DOCK10: variants seen among roughly 807,000 people sequenced by gnomAD.
The protein encoded by DOCK10 is dedicator of cytokinesis 10, also known as dedicator of cytokinesis protein 10.
DOCK10 carries 145 observed loss-of-function variants against 280.1 expected under a neutral mutation model. The ratio of observed to expected loss-of-function variants is 0.52; its 90% CI spans 0.45 to 0.59. DOCK10 has a LOEUF of 0.59. DOCK10 is among the 20% of genes least tolerant of loss of function. The pLI is 0.00. For synonymous variants in DOCK10, 915 were observed against 942.2 expected, an observed-to-expected ratio of 0.97 and a Z score of 0.53; for missense variants, 2,368 against 2,651.7, an observed-to-expected ratio of 0.89 and a Z score of 2.35.
intron 1 of DOCK10, among the ~76,000 whole-genome samples, chr2:225,040,509 A>AGT (rs1690389265): frequency 1.0e-5 from 1 of 99,558 alleles, no homozygotes; most frequent in African/African-American, 4.1e-5. Flanking sequence ...TGGAGAAAGC[A>AGT]GTGCGTGTGT....
intron 1 of DOCK10, among the ~76,000 whole-genome samples, chr2:224,979,912 T>C (rs1185616490): frequency 6.6e-6 from 1 of 151,206 alleles, no homozygotes; most frequent in Admixed American, 6.6e-5. Context: ...TGATAAGTGA[T>C]GAAGTCAGGA....
chr2:224,982,479 T>C, intron 1 of DOCK10: 20 of 1,227,718 alleles, frequency 1.6e-5, no homozygotes, highest in Non-Finnish European at 2.0e-5. Context: ...CGGCTCACTC[T>C]CCAATCACTT....
intron 50 of DOCK10, among the ~76,000 whole-genome samples, chr2:224,783,040 C>T (rs1011645567): frequency 2.0e-5 from 3 of 152,154 alleles, no homozygotes; most frequent in African/African-American, 7.2e-5. Flanking sequence ...TATGTGCTGT[C>T]TGCTCCTGTT....
intron 47 of DOCK10, 99 bp downstream of exon 47, chr2:224,792,875 G>T: frequency 2.3e-6 from 2 of 887,894 alleles, no homozygotes; most frequent in Non-Finnish European, 3.5e-6. Flanking sequence ...GACAGTTTTT[G>T]CTTCTAAGAA....
intron 50 of DOCK10, among the ~76,000 whole-genome samples, chr2:224,780,921 G>A (rs114057841): frequency 0.013 from 1,992 of 151,560 alleles, 25 homozygotes; most frequent in East Asian, 0.021. Flanking sequence ...AATGTATTGC[G>A]GCCTTGCTCA....
intron 1 of DOCK10, among the ~76,000 whole-genome samples, chr2:225,005,611 A>G (rs1251668982): frequency 1.3e-5 from 2 of 152,354 alleles, no homozygotes; most frequent in South Asian, 2.1e-4. Flanking sequence ...AAAAAACAGA[A>G]TAACTGAAAG....
At position 224,983,888 on chromosome 2, in the gene DOCK10, C is replaced by T. The variant is rs1006859481; in HGVS notation, c.124-52220G>A. Reference sequence around the variant, plus strand: ...CCCTCTGGACATTTGTCAGACTGCCCGGGTGCTAATCTAAACCATTTTTAC... The same window carrying T: ...CCCTCTGGACATTTGTCAGACTGCCTGGGTGCTAATCTAAACCATTTTTAC... On this transcript the variant is annotated intron_variant, in intron 1 of 55. Coordinates refer to ENST00000258390, the MANE Select transcript of DOCK10 (RefSeq NM_014689.3). 11 of 470,814 alleles carry T rather than the reference C, an allele frequency of 2.3e-5. No individual in the cohort carries two copies. In the Admixed American group the frequency reaches 2.4e-4, roughly 10 times the overall value. The allele number at this position is 470,814 out of a possible 1,614,324, so 29.2% of individuals were successfully genotyped here.
At chr2:225,040,105 C>A (rs452774) in intron 1 of DOCK10, among the ~76,000 whole-genome samples, 120,047 of 152,108 alleles carry the variant, frequency 0.79, 47,540 homozygotes, top group Middle Eastern at 0.88. Context: ...CATCAATGTA[C>A]GCTAAGATTA....
chr2:224,855,113 CAAT>C, intron 15 of DOCK10, 71 bp from the exon 16 acceptor site: 1 of 877,680 alleles, frequency 1.1e-6, no homozygotes, highest in South Asian at 2.3e-5. Flanking sequence ...AGTATTATTC[CAAT>C]TTTCAAGGAA....
At position 224,885,686 on chromosome 2, in the gene DOCK10, A is replaced by T; in HGVS notation, c.732T>A (p.Cys244Ter). The stretch of plus-strand genomic sequence containing the variant: ...GTCTACTCACCTGCACCACTCCTGT[A>T]CAGGAATCCAAAAAGATGCATCCTT... ...EPKGCIFLDS[C>*]TGVVQNNRLR... The change falls in exon 7 of 56, where the codon TGT becomes TGA. Residue 244 changes from cysteine to a stop codon, truncating the protein, a stop_gained. Coordinates refer to ENST00000258390, the MANE Select transcript of DOCK10 (RefSeq NM_014689.3). LOFTEE classifies it high-confidence loss of function. The T allele has an allele frequency of 6.2e-7, 1 of 1,610,310 alleles. No individual in the cohort carries two copies.
chr2:225,021,869 C>T (rs1005837611), intron 1 of DOCK10, among the ~76,000 whole-genome samples: 13 of 152,168 alleles, frequency 8.5e-5, no homozygotes, highest in African/African-American at 3.1e-4. Flanking sequence ...TGGGGAGGCA[C>T]TTGGCAGTTT....
intron 1 of DOCK10, among the ~76,000 whole-genome samples, chr2:224,936,079 C>T (rs1280358266): frequency 1.3e-5 from 2 of 152,112 alleles, no homozygotes; most frequent in Non-Finnish European, 2.9e-5. Context: ...TTTCAGAGAA[C>T]TGTGTATGGT....
chr2:224,976,480 G>T (rs115112371), intron 1 of DOCK10, among the ~76,000 whole-genome samples: 4,518 of 152,164 alleles, frequency 0.03, 105 homozygotes, highest in Non-Finnish European at 0.046. Context: ...CCAACTAGGA[G>T]AAATGAGTCA....
intron 1 of DOCK10, among the ~76,000 whole-genome samples, chr2:225,035,056 A>C (rs1054159058): frequency 6.6e-6 from 1 of 152,180 alleles, no homozygotes; most frequent in Non-Finnish European, 1.5e-5. Context: ...CTAATCCCCT[A>C]ATTTCACAGT....
Position 225,042,297 on chromosome 2 carries a change from G to A in DOCK10, c.78C>T (p.Ala26=). The A allele has an allele frequency of 7.4e-7, 1 of 1,348,168 alleles. No homozygotes were observed. Among genetic ancestry groups the A allele is most frequent in the Non-Finnish European group, 9.6e-7 (1 of 1,046,976 alleles). The allele number at this position is 1,348,168 out of a possible 1,614,324, so 83.5% of individuals were successfully genotyped here. The change falls in exon 1 of 56, where the codon GCC becomes GCT. Residue 26 remains alanine (A), a synonymous_variant. Coordinates refer to ENST00000258390, the MANE Select transcript of DOCK10 (RefSeq NM_014689.3). This position sits in a 1 kb window ranked among gnomAD's most constrained non-coding sequence, Gnocchi z 5.1. ...PGQAAELRHS[A]ASAAAVAVSS... Reference sequence around the variant, plus strand: ...TGACTGCCACCGCGGCGGCGGACGCGGCGCTGTGCCGGAGCTCGGCCGCCT... The same window carrying A: ...TGACTGCCACCGCGGCGGCGGACGCAGCGCTGTGCCGGAGCTCGGCCGCCT...
intron 26 of DOCK10, among the ~76,000 whole-genome samples, chr2:224,832,199 G>A (rs996914889): frequency 4.6e-5 from 7 of 152,080 alleles, no homozygotes; most frequent in Non-Finnish European, 1.0e-4. Context: ...ATTTTGCTAC[G>A]AATACTTATA....
At chr2:224,952,898 A>G (rs372947325) in intron 1 of DOCK10, among the ~76,000 whole-genome samples, 37 of 152,308 alleles carry the variant, frequency 2.4e-4, no homozygotes, top group African/African-American at 7.7e-4. Flanking sequence ...GGCCTATGTT[A>G]TGTTTTAACA....
intron 17 of DOCK10, 60 bp downstream of exon 17, chr2:224,852,875 T>C: frequency 7.1e-7 from 1 of 1,400,300 alleles, no homozygotes; most frequent in South Asian, 1.5e-5. Flanking sequence ...TCAGGAACTA[T>C]CTTATATGGT....
At chr2:224,896,206 A>T in intron 4 of DOCK10, 89 bp downstream of exon 4, 1 of 715,248 alleles carries the variant, frequency 1.4e-6, no homozygotes, top group Non-Finnish European at 2.3e-6. Flanking sequence ...AGATTAATGT[A>T]CGTGTATTCA....
Sources: allele counts gnomAD v4.1 joint callset (sites outside exome capture counted in the v4.1 genomes callset), GRCh38; gene constraint gnomAD v4.1.1; non-coding constraint Gnocchi (gnomAD v3.1); transcripts MANE v1.5; gene names NCBI Gene and HGNC (gene_info 2026-07-23, HGNC 2026-07-21).